DAAM1: variants seen among roughly 807,000 people sequenced by gnomAD.
DAAM1 encodes dishevelled associated activator of morphogenesis 1.
In DAAM1, 52 loss-of-function variants were observed where a neutral mutation model predicts 130.0. The observed-to-expected ratio is 0.40, with a 90% CI of 0.32 to 0.50. DAAM1 has a LOEUF of 0.50. Ranked by LOEUF, DAAM1 falls within the 20% of genes least tolerant of loss-of-function variation. DAAM1 has a pLI of 0.61. For missense variants in DAAM1, 1,134 were observed against 1,303.8 expected (o/e 0.87, Z 2.01); for synonymous variants, 452 against 444.5 (o/e 1.02, Z -0.21).
chr14:59,304,777 A>C (rs1884311084), intron 3 of DAAM1, among the ~76,000 whole-genome samples: 1 of 152,206 alleles, frequency 6.6e-6, no homozygotes. Flanking sequence ...TACAGTTCCT[A>C]ACTGTCCTCA....
Position 59,324,474 on chromosome 14 carries a change from T to A in DAAM1, c.989+20T>A, listed in dbSNP as rs745780967. ...AGATAGGTAAGTCAGACTATTATGATGTGAGAAAGTTTCTGTGTTTCCCAT... is the reference window on the plus strand; with the variant it reads ...AGATAGGTAAGTCAGACTATTATGAAGTGAGAAAGTTTCTGTGTTTCCCAT... On this transcript the variant is annotated intron_variant, in intron 8 of 24. Coordinates refer to ENST00000360909, the MANE Select transcript of DAAM1 (RefSeq NM_001270520.2). 6.7e-7 allele frequency: 1 copy of A among 1,496,680 alleles called. No individual in the cohort carries two copies. The highest frequency in any genetic ancestry group is 9.0e-7 in the Non-Finnish European group (1 of 1,109,764). The allele number at this position is 1,496,680 out of a possible 1,614,324, so 92.7% of individuals were successfully genotyped here.
intron 1 of DAAM1, among the ~76,000 whole-genome samples, chr14:59,246,461 A>C (rs549751107): frequency 1.7e-4 from 26 of 152,216 alleles, no homozygotes; most frequent in African/African-American, 5.8e-4. Context: ...TATTGATGAC[A>C]TTTGGGTTCC....
At chr14:59,333,511 G>T (rs950564682) in intron 15 of DAAM1, among the ~76,000 whole-genome samples, 17 of 152,328 alleles carry the variant, frequency 1.1e-4, no homozygotes, top group African/African-American at 4.1e-4. Context: ...CTGCTGTCCT[G>T]AGAAGGTGTC....
chr14:59,269,469 A>G (rs934020028), intron 2 of DAAM1, among the ~76,000 whole-genome samples: 3 of 152,268 alleles, frequency 2.0e-5, no homozygotes, highest in African/African-American at 4.8e-5. Context: ...CCTGTGGGAC[A>G]GTGGATAAAC....
intron 3 of DAAM1, among the ~76,000 whole-genome samples, chr14:59,295,563 C>G (rs1474386952): frequency 6.6e-6 from 1 of 152,186 alleles, no homozygotes; most frequent in Non-Finnish European, 1.5e-5. Flanking sequence ...CATTGGGATG[C>G]AGTTCTTTCA....
chr14:59,232,328 A>G (rs72726338), intron 1 of DAAM1, among the ~76,000 whole-genome samples: 2,931 of 152,294 alleles, frequency 0.019, 49 homozygotes, highest in Non-Finnish European at 0.029. Flanking sequence ...TGAGAGTCAT[A>G]GTTTTATCAG....
At chr14:59,201,084 C>T (rs1888087943) in intron 1 of DAAM1, among the ~76,000 whole-genome samples, 1 of 147,332 alleles carries the variant, frequency 6.8e-6, no homozygotes, top group Non-Finnish European at 1.5e-5. Context: ...TGGTATGAAC[C>T]TGGGAGGCAG....
chr14:59,325,489 T>G (rs17096088), intron 8 of DAAM1, among the ~76,000 whole-genome samples, 175 bp from the exon 9 acceptor site: 18,301 of 152,250 alleles, frequency 0.12, 1,569 homozygotes, highest in East Asian at 0.4. Flanking sequence ...TTCGCTCAGG[T>G]GATGTCTTTT....
At chr14:59,323,328 T>TG (rs1885091702) in intron 6 of DAAM1, 103 bp downstream of exon 6, 5 of 1,216,130 alleles carry the variant, frequency 4.1e-6, no homozygotes, top group Non-Finnish European at 3.4e-6. Context: ...AGATGTCCTC[T>TG]TGTGGTGATT....
intron 12 of DAAM1, among the ~76,000 whole-genome samples, chr14:59,328,266 T>A (rs149045978): frequency 6.6e-6 from 1 of 152,198 alleles, no homozygotes; most frequent in Non-Finnish European, 1.5e-5. Context: ...TTCAGATTGC[T>A]CCCAAATAAG....
At chr14:59,282,950 G>C (rs1193030718) in intron 2 of DAAM1, among the ~76,000 whole-genome samples, 1 of 151,918 alleles carries the variant, frequency 6.6e-6, no homozygotes, top group Non-Finnish European at 1.5e-5. Flanking sequence ...TTATCTTCCT[G>C]CATGAAATAC....
At chr14:59,338,554 T>C in intron 15 of DAAM1, 1 of 870,428 alleles carries the variant, frequency 1.1e-6, no homozygotes, top group Non-Finnish European at 1.8e-6. Context: ...AACTCCACTT[T>C]GGATTTCAAC....
chr14:59,351,321 T>C (rs2139667808), intron 17 of DAAM1, among the ~76,000 whole-genome samples: 1 of 152,310 alleles, frequency 6.6e-6, no homozygotes, highest in African/African-American at 2.4e-5. Context: ...TAATTCTTTT[T>C]CCATCCTGCA....
chr14:59,311,355 T>G (rs1057314714), intron 3 of DAAM1, among the ~76,000 whole-genome samples: 8 of 151,980 alleles, frequency 5.3e-5, no homozygotes, highest in African/African-American at 1.9e-4. Flanking sequence ...CTGTGGGAGG[T>G]GGAGGGGTGC....
chr14:59,298,683 G>A (rs375868179), intron 3 of DAAM1, among the ~76,000 whole-genome samples: 105 of 152,258 alleles, frequency 6.9e-4, no homozygotes, highest in African/African-American at 2.4e-3. Flanking sequence ...CTCTGCCTCT[G>A]ACAGTCAAAT....
At chr14:59,219,121 C>A (rs1015828826) in intron 1 of DAAM1, among the ~76,000 whole-genome samples, 7 of 152,122 alleles carry the variant, frequency 4.6e-5, no homozygotes, top group African/African-American at 1.7e-4. Context: ...TACCTGTGTT[C>A]TTTCTAATGT....
intron 1 of DAAM1, among the ~76,000 whole-genome samples, chr14:59,219,498 A>G (rs571834858): frequency 6.6e-6 from 1 of 152,246 alleles, no homozygotes; most frequent in East Asian, 1.9e-4. Flanking sequence ...GATGGCTTAT[A>G]CATTCTTTCC....
At chr14:59,302,639 A>G (rs985456268) in intron 3 of DAAM1, among the ~76,000 whole-genome samples, 3 of 151,924 alleles carry the variant, frequency 2.0e-5, no homozygotes, top group Admixed American at 2.0e-4. Flanking sequence ...TTTGGCCCCC[A>G]AGTTATTCTT....
At chr14:59,270,882 G>C (rs1484859220) in intron 2 of DAAM1, among the ~76,000 whole-genome samples, 1 of 152,054 alleles carries the variant, frequency 6.6e-6, no homozygotes, top group Non-Finnish European at 1.5e-5. Flanking sequence ...TCCTGTGTGA[G>C]ATTTTACGTA....
Sources: allele counts gnomAD v4.1 joint callset (sites outside exome capture counted in the v4.1 genomes callset), GRCh38; gene constraint gnomAD v4.1.1; transcripts MANE v1.5; gene names NCBI Gene and HGNC (gene_info 2026-07-23, HGNC 2026-07-21).